Variants in DNAH5 observed in about 807,000 individuals in gnomAD.
DNAH5 encodes dynein axonemal heavy chain 5.
Under a neutral mutation model 518.2 loss-of-function variants are expected in DNAH5, and 372 were observed. The ratio of observed to expected loss-of-function variants is 0.72; its 90% CI spans 0.66 to 0.78. DNAH5 has a LOEUF of 0.78. DNAH5 is among the 30% of genes least tolerant of loss of function. DNAH5 has a pLI of 0.00. For synonymous variants in DNAH5, 2,039 were observed against 2,025.9 expected (o/e 1.01, Z -0.17); for missense variants, 5,523 against 5,687.0 (o/e 0.97, Z 0.93).
chr5:13,992,247 T>C (rs1783607630), intron 1 of DNAH5, among the ~76,000 whole-genome samples: 1 of 152,200 alleles, frequency 6.6e-6, no homozygotes, highest in Admixed American at 6.5e-5. Flanking sequence ...TGACTGATTC[T>C]TCCATCTCCT....
chr5:13,866,038 G>A, intron 26 of DNAH5, 132 bp from the exon 27 acceptor site: 1 of 882,806 alleles, frequency 1.1e-6, no homozygotes, highest in East Asian at 2.5e-5. Flanking sequence ...GGAATACTAA[G>A]TTGGCATAAT....
chr5:13,727,856 C>T (rs1425654083), intron 69 of DNAH5, among the ~76,000 whole-genome samples, 200 bp from the exon 70 acceptor site: 1 of 152,170 alleles, frequency 6.6e-6, no homozygotes, highest in African/African-American at 2.4e-5. Flanking sequence ...TCTATACTAA[C>T]ATCAGCCTAC....
chr5:13,862,690 T>A lies in DNAH5; in HGVS notation c.4654A>T (p.Ile1552Phe), dbSNP rs1194113504. 7 of 1,613,934 alleles carry A rather than the reference T, an allele frequency of 4.3e-6. No individual in the cohort carries two copies. Among genetic ancestry groups the A allele is most frequent in the South Asian group, 1.1e-5 (1 of 91,088 alleles). ...AATGTTTTATTGTCCCATTCATTAA[T>A]CACTTGCTTCAGCTTTTGCTCAATG... ...RDIEQKLKQV[I>F]NEWDNKTFTF... The change falls in exon 29 of 79, where the codon ATT becomes TTT. Residue 1552 changes from isoleucine (I) to phenylalanine (F), a missense_variant. Transcript: ENST00000265104.
intron 1 of DNAH5, among the ~76,000 whole-genome samples, chr5:13,965,271 A>G (rs944352524): frequency 6.6e-6 from 1 of 152,206 alleles, no homozygotes; most frequent in Non-Finnish European, 1.5e-5. Flanking sequence ...CCGTTTTTTT[A>G]ATGTCTTCCC....
intron 68 of DNAH5, among the ~76,000 whole-genome samples, chr5:13,730,656 G>A (rs955533323): frequency 1.3e-5 from 2 of 150,018 alleles, no homozygotes; most frequent in African/African-American, 2.4e-5. Context: ...GGATGGTATC[G>A]ATCTCCTGAC....
At chr5:13,697,032 C>G (rs376592935) in intron 78 of DNAH5, among the ~76,000 whole-genome samples, 7 of 152,046 alleles carry the variant, frequency 4.6e-5, no homozygotes, top group South Asian at 2.1e-4. Flanking sequence ...CTGAGATGTT[C>G]AATGTCAAAT....
At chr5:13,835,844 C>G (rs1182950295) in intron 35 of DNAH5, among the ~76,000 whole-genome samples, 1 of 152,078 alleles carries the variant, frequency 6.6e-6, no homozygotes, top group Non-Finnish European at 1.5e-5. Context: ...CATGTGTGTC[C>G]GTAGCGTTTA....
At chr5:13,900,513 A>G in intron 14 of DNAH5, 101 bp from the exon 15 acceptor site, 1 of 1,030,650 alleles carries the variant, frequency 9.7e-7, no homozygotes, top group Non-Finnish European at 1.5e-6. Flanking sequence ...ATGTTCTTCC[A>G]TGGATTTGAG....
intron 9 of DNAH5, among the ~76,000 whole-genome samples, chr5:13,915,871 A>G (rs1776595237): frequency 6.6e-6 from 1 of 152,120 alleles, no homozygotes; most frequent in Admixed American, 6.5e-5. Flanking sequence ...GAATCATTAT[A>G]ATTGCTTTAT....
chr5:13,885,509 C>A (rs1468601087), intron 18 of DNAH5, among the ~76,000 whole-genome samples: 1 of 152,162 alleles, frequency 6.6e-6, no homozygotes, highest in Non-Finnish European at 1.5e-5. Context: ...CTACAGTGGC[C>A]CCCAAGGACC....
At chr5:13,950,363 G>A (rs576343639) in intron 1 of DNAH5, among the ~76,000 whole-genome samples, 69 of 151,894 alleles carry the variant, frequency 4.5e-4, no homozygotes, top group African/African-American at 1.6e-3. Context: ...TACAACCTTC[G>A]CCTCCTGGGT....
At chr5:14,004,735 C>T (rs1357683812) in intron 1 of DNAH5, among the ~76,000 whole-genome samples, 1 of 152,184 alleles carries the variant, frequency 6.6e-6, no homozygotes, top group Non-Finnish European at 1.5e-5. Flanking sequence ...GAAATTATGA[C>T]TACTTTTCCA....
At chr5:13,798,745 T>C (rs1561288718) in intron 47 of DNAH5, among the ~76,000 whole-genome samples, 1 of 28,600 alleles carries the variant, frequency 3.5e-5, no homozygotes, top group Admixed American at 3.0e-4. Context: ...ATTTATTTTA[T>C]TTATTTATTT....
chr5:13,730,707 T>A (rs1273567238), intron 68 of DNAH5, among the ~76,000 whole-genome samples: 2 of 146,794 alleles, frequency 1.4e-5, no homozygotes, highest in South Asian at 2.1e-4. Context: ...GTGCTGTTAT[T>A]TTTTTTTTTT....
chr5:13,988,013 C>T (rs1285851557), intron 1 of DNAH5, among the ~76,000 whole-genome samples: 1 of 152,114 alleles, frequency 6.6e-6, no homozygotes, highest in African/African-American at 2.4e-5. Context: ...GAAGCCATTT[C>T]ATGGGAAGCC....
chr5:13,791,569 T>A (rs527872666), intron 50 of DNAH5, among the ~76,000 whole-genome samples: 11 of 152,326 alleles, frequency 7.2e-5, no homozygotes, highest in East Asian at 3.9e-4. Flanking sequence ...ATGGGTTTTT[T>A]AATTTTGAAT....
At chr5:13,744,228 G>A (rs1166911604) in intron 65 of DNAH5, among the ~76,000 whole-genome samples, 1 of 151,850 alleles carries the variant, frequency 6.6e-6, no homozygotes, top group East Asian at 1.9e-4. Flanking sequence ...AAATAAGCTA[G>A]GAACAGAAAG....
intron 75 of DNAH5, among the ~76,000 whole-genome samples, chr5:13,713,700 AG>A (rs1439433844): frequency 3.9e-4 from 57 of 145,308 alleles, no homozygotes; most frequent in Admixed American, 3.3e-3. Context: ...GAAGAGTGTG[AG>A]GGGGGCGAGG....
At chr5:13,947,784 G>C (rs76601196), upstream of DNAH5, among the ~76,000 whole-genome samples, 914 of 152,292 alleles carry the variant, frequency 6.0e-3, 11 homozygotes, top group African/African-American at 0.021. Flanking sequence ...CAGTTTAATA[G>C]CCTTGTAAAC....
Sources: gnomAD v4.1 joint callset for allele counts (sites outside exome capture counted in the v4.1 genomes callset) on GRCh38, gnomAD v4.1.1 for gene constraint, MANE v1.5 for transcripts, NCBI Gene and HGNC (gene_info 2026-07-23, HGNC 2026-07-21) for gene names.